Variants in FMNL2 observed in about 807,000 individuals in gnomAD.
FMNL2 encodes formin like 2, also known as formin-like protein 2.
In FMNL2, 51 loss-of-function variants were observed where a neutral mutation model predicts 130.2. The observed-to-expected ratio is 0.39, with a 90% CI of 0.31 to 0.49. FMNL2 has a LOEUF of 0.49. Ranked by LOEUF, FMNL2 falls within the 20% of genes least tolerant of loss-of-function variation. FMNL2 has a pLI of 0.85. For synonymous variants in FMNL2, 465 were observed against 467.1 expected (o/e 1.00, Z 0.06); for missense variants, 977 against 1,316.2 (o/e 0.74, Z 3.99).
intron 2 of FMNL2, among the ~76,000 whole-genome samples, chr2:152,522,492 C>A (rs12619679): frequency 2.6e-5 from 4 of 151,904 alleles, no homozygotes; most frequent in African/African-American, 9.7e-5. Flanking sequence ...GGCTGTGTCC[C>A]CACTCAAATC....
rs1683814043 is a variant in FMNL2 at position 152,648,549 on chromosome 2, T to TAAGAC, written c.*645_*649dup. 6.5e-6 allele frequency: 1 copy of TAAGAC among 152,726 alleles called. No homozygotes were observed. The highest frequency in any genetic ancestry group is 6.5e-5 in the Admixed American group (1 of 15,308). The allele number at this position is 152,726 out of a possible 1,614,324, so 9.5% of individuals were successfully genotyped here. A position where few individuals can be genotyped will look rare whatever the true frequency, so the allele number is the denominator to read the frequency against. ...AGTATGAATGTGGGGATATAGTGTA[T>TAAGAC]AAGACTTATTTGCAGTACTGTGTTC... On this transcript the variant is annotated 3_prime_UTR_variant, in exon 26 of 26. Transcript: ENST00000288670.
intron 1 of FMNL2, among the ~76,000 whole-genome samples, chr2:152,493,988 TG>T (rs1691359825): frequency 6.6e-6 from 1 of 152,256 alleles, no homozygotes; most frequent in Non-Finnish European, 1.5e-5. Flanking sequence ...ATATCTTATT[TG>T]CTTGGTGTGT....
At chr2:152,568,294 C>A (rs941842125) in intron 6 of FMNL2, among the ~76,000 whole-genome samples, 2 of 141,432 alleles carry the variant, frequency 1.4e-5, no homozygotes, top group Admixed American at 7.5e-5. Context: ...CGGCTCACTG[C>A]AACCTCCACC....
In FMNL2 at chr2:152,449,670, G is replaced by T. The variant is rs375209895; in HGVS notation, c.118-72273G>T. Among the ~76,000 whole-genome samples, 6 of 152,248 alleles carry T rather than the reference G, an allele frequency of 3.9e-5. 1 individual carries two copies. In the South Asian group the frequency reaches 6.2e-4, roughly 16 times the overall value. On this transcript the variant is annotated intron_variant, in intron 1 of 25. Coordinates refer to ENST00000288670, the MANE Select transcript of FMNL2 (RefSeq NM_052905.4). ...TCCTACTTGTGGCCTTGTTTTCACTGCTTGGTTACCTAGTGCAAACAGATT... is the reference window on the plus strand; with the variant it reads ...TCCTACTTGTGGCCTTGTTTTCACTTCTTGGTTACCTAGTGCAAACAGATT...
At position 152,628,284 on chromosome 2, in the gene FMNL2, C is replaced by T; in HGVS notation, c.2166-15C>T. On this transcript the variant is annotated splice_polypyrimidine_tract_variant and intron_variant, in intron 17 of 25. Transcript: ENST00000288670. The stretch of plus-strand genomic sequence containing the variant: ...TTTTTCTCTCTAATGCTAATCTCTC[C>T]ACATCTGTCTTTAGATTTGACTTGA... 6.2e-7 allele frequency: 1 copy of T among 1,610,246 alleles called. No individual in the cohort carries two copies. The highest frequency in any genetic ancestry group is 1.1e-5 in the South Asian group (1 of 90,988).
At chr2:152,631,913 A>G in intron 20 of FMNL2, 95 bp from the exon 21 acceptor site, 1 of 1,364,804 alleles carries the variant, frequency 7.3e-7, no homozygotes, top group Non-Finnish European at 9.9e-7. Context: ...ACTGTTACTC[A>G]GTTAATGACT....
intron 1 of FMNL2, among the ~76,000 whole-genome samples, chr2:152,395,850 T>C (rs1685361828): frequency 8.1e-6 from 1 of 123,506 alleles, no homozygotes; most frequent in Non-Finnish European, 1.5e-5. Flanking sequence ...AACTGTGAGA[T>C]GAATAGGATA....
intron 9 of FMNL2, among the ~76,000 whole-genome samples, chr2:152,586,620 T>C (rs754686686): frequency 1.3e-5 from 2 of 152,148 alleles, no homozygotes; most frequent in African/African-American, 4.8e-5. Context: ...CTATAAGCAA[T>C]GTATTCTCTC....
intron 3 of FMNL2, among the ~76,000 whole-genome samples, chr2:152,546,633 G>C (rs1281951968): frequency 6.6e-6 from 1 of 152,096 alleles, no homozygotes; most frequent in East Asian, 1.9e-4. Context: ...AGTCAGAAGT[G>C]CACATAACAC....
intron 6 of FMNL2, among the ~76,000 whole-genome samples, chr2:152,563,654 C>T (rs190671725): frequency 1.3e-5 from 2 of 152,218 alleles, no homozygotes; most frequent in African/African-American, 4.8e-5. Flanking sequence ...TCTTTCTCTT[C>T]TCCACACGCT....
chr2:152,575,724 A>G (rs952361343), intron 7 of FMNL2, among the ~76,000 whole-genome samples: 1 of 152,216 alleles, frequency 6.6e-6, no homozygotes, highest in East Asian at 1.9e-4. Context: ...CTGCTGTTGC[A>G]GGTAGTAATG....
intron 21 of FMNL2, 96 bp from the exon 22 acceptor site, chr2:152,636,331 C>A: frequency 1.5e-6 from 2 of 1,347,636 alleles, no homozygotes; most frequent in East Asian, 2.5e-5. Context: ...CTTGAGTAAG[C>A]CTAAGAATCT....
At chr2:152,442,005 G>A (rs947419836) in intron 1 of FMNL2, among the ~76,000 whole-genome samples, 76 of 152,056 alleles carry the variant, frequency 5.0e-4, no homozygotes, top group African/African-American at 1.7e-3. Context: ...AGGAAATGGT[G>A]GCTAGGGGAG....
At chr2:152,449,154 C>T (rs953870930) in intron 1 of FMNL2, among the ~76,000 whole-genome samples, 30 of 152,260 alleles carry the variant, frequency 2.0e-4, no homozygotes, top group Admixed American at 1.0e-3. Flanking sequence ...TAGATGATGT[C>T]TGTTTTAGGC....
chr2:152,429,261 A>G (rs1687362603), intron 1 of FMNL2, among the ~76,000 whole-genome samples: 1 of 151,690 alleles, frequency 6.6e-6, no homozygotes, highest in South Asian at 2.1e-4. Context: ...AGCTGAAGAC[A>G]GCACGCAGTG....
chr2:152,571,397 A>C (rs1558972916), intron 6 of FMNL2, among the ~76,000 whole-genome samples: 2 of 152,234 alleles, frequency 1.3e-5, no homozygotes, highest in Non-Finnish European at 2.9e-5. Flanking sequence ...GAGTCCATGG[A>C]GAAACTGATG....
At chr2:152,503,789 G>T (rs1201120114) in intron 1 of FMNL2, among the ~76,000 whole-genome samples, 1 of 152,162 alleles carries the variant, frequency 6.6e-6, no homozygotes, top group East Asian at 1.9e-4. Flanking sequence ...TTTGGGGAAG[G>T]TATTGCAGTG....
intron 1 of FMNL2, chr2:152,389,957 C>T (rs1029531330): frequency 4.8e-5 from 62 of 1,304,946 alleles, no homozygotes; most frequent in African/African-American, 3.7e-4. Flanking sequence ...TCAGAGACCT[C>T]GGGGCCCCAG....
chr2:152,512,917 C>T (rs779264687), intron 1 of FMNL2, among the ~76,000 whole-genome samples: 1 of 152,114 alleles, frequency 6.6e-6, no homozygotes, highest in African/African-American at 2.4e-5. Context: ...ACTTTACATG[C>T]GTTATCTGAT....
Sources: allele counts gnomAD v4.1 joint callset (sites outside exome capture counted in the v4.1 genomes callset), GRCh38; gene constraint gnomAD v4.1.1; transcripts MANE v1.5; gene names NCBI Gene and HGNC (gene_info 2026-07-23, HGNC 2026-07-21).